Variants in COL23A1 observed in about 807,000 individuals in gnomAD.
The protein encoded by COL23A1 is collagen type XXIII alpha 1 chain.
Under a neutral mutation model 99.3 loss-of-function variants are expected in COL23A1, and 97 were observed. The observed-to-expected ratio is 0.98, with a 90% CI of 0.83 to 1.16. The LOEUF is 1.16. Ranked by LOEUF, COL23A1 falls within the 50% of genes most tolerant of loss-of-function variation. COL23A1 has a pLI of 0.00. For synonymous variants in COL23A1, 320 were observed against 308.2 expected, an observed-to-expected ratio of 1.04 and a Z score of -0.40; for missense variants, 762 against 757.4, an observed-to-expected ratio of 1.01 and a Z score of -0.07.
Position 178,327,981 on chromosome 5 carries a change from C to T in COL23A1, c.362-21062G>A, listed in dbSNP as rs79086600. Among the ~76,000 whole-genome samples, 365 of 152,330 alleles carry T rather than the reference C, an allele frequency of 2.4e-3. 1 individual carries two copies. The highest frequency in any genetic ancestry group is 4.4e-3 in the Non-Finnish European group (302 of 68,028). On this transcript the variant is annotated intron_variant, in intron 2 of 28. Coordinates refer to ENST00000390654, the MANE Select transcript of COL23A1 (RefSeq NM_173465.4). ...CCAGCTAGGGCTGAAGGACTGACAA[C>T]GAGGACCTTGCCTGCAGAGCAGAGA...
chr5:178,319,148 T>C (rs1759144823), intron 2 of COL23A1, among the ~76,000 whole-genome samples: 1 of 152,164 alleles, frequency 6.6e-6, no homozygotes, highest in Admixed American at 6.5e-5. Context: ...GCTGGTGGCC[T>C]GTGGCTTTGG....
chr5:178,418,548 C>G (rs1765431705), intron 2 of COL23A1, among the ~76,000 whole-genome samples: 1 of 152,262 alleles, frequency 6.6e-6, no homozygotes, highest in Non-Finnish European at 1.5e-5. Context: ...CTGCTGCCCT[C>G]AGGCAGAGCC....
chr5:178,388,875 T>C (rs1208484123), intron 2 of COL23A1, among the ~76,000 whole-genome samples: 2 of 152,248 alleles, frequency 1.3e-5, no homozygotes, highest in Non-Finnish European at 2.9e-5. Flanking sequence ...GCCTTTAGTA[T>C]GCTAACATCC....
At chr5:178,299,378 G>T (rs1581106754) in intron 3 of COL23A1, among the ~76,000 whole-genome samples, 2 of 152,326 alleles carry the variant, frequency 1.3e-5, no homozygotes, top group East Asian at 3.9e-4. Context: ...AGTTTTGGCA[G>T]TTGTGTCTTT....
Position 178,568,984 on chromosome 5 carries a change from T to C in COL23A1, c.295-8236A>G, listed in dbSNP as rs369043190. ...TCATATGGTAATTTCACATTTAATT[T>C]TTTGAGGATCCCACCAAACTCTTTT... On this transcript the variant is annotated intron_variant, in intron 1 of 28. Transcript: ENST00000390654. Among the ~76,000 whole-genome samples, 58 of 152,270 alleles carry C rather than the reference T, an allele frequency of 3.8e-4. 2 individuals carry two copies. The South Asian group carries it at 0.012, about 31-fold the overall frequency.
intron 2 of COL23A1, among the ~76,000 whole-genome samples, chr5:178,420,280 G>A (rs1228719415): frequency 6.6e-6 from 1 of 151,974 alleles, no homozygotes; most frequent in Non-Finnish European, 1.5e-5. Context: ...AAACAAGAGC[G>A]CCCGTGGGCA....
chr5:178,255,071 G>C lies in COL23A1; in HGVS notation c.883-45C>G. On this transcript the variant is annotated intron_variant, in intron 15 of 28. Transcript: ENST00000390654. The surrounding 1 kb of genome is among the most constrained non-coding windows in gnomAD (Gnocchi z 4.2). Reference sequence around the variant, plus strand: ...AAGAATTTCAGGGAAGAGCTACACTGAGTTGGAGGTGAAGTGGCAGCTGTC... The same window carrying C: ...AAGAATTTCAGGGAAGAGCTACACTCAGTTGGAGGTGAAGTGGCAGCTGTC... 1 of 1,511,576 alleles carries C rather than the reference G, an allele frequency of 6.6e-7. No homozygotes were observed. Among genetic ancestry groups the C allele is most frequent in the Non-Finnish European group, 9.2e-7 (1 of 1,088,238 alleles). The allele number at this position is 1,511,576 out of a possible 1,614,324, so 93.6% of individuals were successfully genotyped here.
chr5:178,518,593 C>CGGCGGGGA (rs1759732201), intron 2 of COL23A1, among the ~76,000 whole-genome samples: 3 of 144,440 alleles, frequency 2.1e-5, no homozygotes, highest in Non-Finnish European at 4.6e-5. Context: ...GGCGGCGGGG[C>CGGCGGGGA]AGAGGCGCTC....
intron 2 of COL23A1, among the ~76,000 whole-genome samples, chr5:178,510,437 G>C (rs1195159151): frequency 6.6e-6 from 1 of 152,184 alleles, no homozygotes; most frequent in African/African-American, 2.4e-5. Flanking sequence ...AGCTACTCAG[G>C]AGGTTGAGGC....
At chr5:178,375,899 G>T (rs6894231) in intron 2 of COL23A1, among the ~76,000 whole-genome samples, 17,619 of 152,082 alleles carry the variant, frequency 0.12, 1,367 homozygotes, top group East Asian at 0.3. Flanking sequence ...GTAGAGACAG[G>T]GTTTCACCAT....
Position 178,468,481 on chromosome 5 carries a change from C to A in COL23A1, c.361+92201G>T, listed in dbSNP as rs780230942. 1.2e-4 allele frequency among the ~76,000 whole-genome samples: 19 copies of A among 152,152 alleles called. No individual in the cohort carries two copies. The highest frequency in any genetic ancestry group is 2.5e-4 in the Non-Finnish European group (17 of 68,010). On this transcript the variant is annotated intron_variant, in intron 2 of 28. Transcript: ENST00000390654. The surrounding 1 kb of genome is among the most constrained non-coding windows in gnomAD (Gnocchi z 4.2). ...TGGGCTAGACACTGCCTGCAGGGCA[C>A]GAGATGATTATTTCGTTTCATCCTC...
chr5:178,473,276 G>A (rs1756857225), intron 2 of COL23A1, among the ~76,000 whole-genome samples: 2 of 151,920 alleles, frequency 1.3e-5, no homozygotes, highest in Admixed American at 1.3e-4. Flanking sequence ...ATGTACTTAG[G>A]TTAAATGCAA....
intron 13 of COL23A1, 69 bp from the exon 14 acceptor site, chr5:178,256,997 G>C: frequency 6.9e-7 from 1 of 1,452,912 alleles, no homozygotes. Flanking sequence ...GGAGGGGGGC[G>C]TGCCTCGGGG....
intron 5 of COL23A1, among the ~76,000 whole-genome samples, chr5:178,274,267 G>A (rs964941855): frequency 2.0e-5 from 3 of 152,254 alleles, no homozygotes; most frequent in African/African-American, 7.2e-5. Context: ...GCGTGAGGCT[G>A]TGCAGACCAT....
At chr5:178,507,717 A>C (rs536392221) in intron 2 of COL23A1, among the ~76,000 whole-genome samples, 3 of 152,274 alleles carry the variant, frequency 2.0e-5, no homozygotes, top group Non-Finnish European at 2.9e-5. Context: ...GTCTCCCCAT[A>C]AGTAAAGTGT....
At chr5:178,462,482 G>A (rs1292167659) in intron 2 of COL23A1, among the ~76,000 whole-genome samples, 1 of 152,076 alleles carries the variant, frequency 6.6e-6, no homozygotes, top group African/African-American at 2.4e-5. Flanking sequence ...ATTAAATCAG[G>A]CACAACAAGA....
intron 2 of COL23A1, among the ~76,000 whole-genome samples, chr5:178,436,004 C>T (rs1162937618): frequency 2.0e-5 from 3 of 152,210 alleles, no homozygotes; most frequent in South Asian, 4.1e-4. Flanking sequence ...TGCTGGGCAT[C>T]GTGGGCATGC....
intron 2 of COL23A1, among the ~76,000 whole-genome samples, chr5:178,558,570 A>G (rs1341210584): frequency 6.6e-6 from 1 of 152,074 alleles, no homozygotes; most frequent in Non-Finnish European, 1.5e-5. Flanking sequence ...CCAGCTCACA[A>G]TTTCATGCTG....
chr5:178,521,726 C>T (rs1053985765), intron 2 of COL23A1, among the ~76,000 whole-genome samples: 1 of 152,110 alleles, frequency 6.6e-6, no homozygotes, highest in Non-Finnish European at 1.5e-5. Flanking sequence ...CCCTGAAGTC[C>T]TTATGCTAAG....
Sources: gnomAD v4.1 joint callset for allele counts (sites outside exome capture counted in the v4.1 genomes callset) on GRCh38, gnomAD v4.1.1 for gene constraint, Gnocchi (gnomAD v3.1) non-coding constraint, MANE v1.5 for transcripts, NCBI Gene and HGNC (gene_info 2026-07-23, HGNC 2026-07-21) for gene names.